TCEANC2: variants seen among roughly 807,000 people sequenced by gnomAD.
The protein encoded by TCEANC2 is transcription elongation factor A N-terminal and central domain-containing protein 2.
TCEANC2 carries 20 observed loss-of-function variants against 22.8 expected under a neutral mutation model. The observed-to-expected ratio is 0.88, with a 90% CI of 0.62 to 1.28. The LOEUF (loss-of-function observed/expected upper bound fraction) is 1.28. Among genes scored for constraint, TCEANC2 ranks in the 50% most tolerant of loss-of-function variants. TCEANC2 has a pLI of 0.00. For synonymous variants in TCEANC2, 84 were observed against 95.5 expected (o/e 0.88, Z 0.70); for missense variants, 251 against 249.7 (o/e 1.01, Z -0.03).
chr1:54,110,427 C>A (rs1003350932), downstream of TCEANC2, among the ~76,000 whole-genome samples: 2 of 151,618 alleles, frequency 1.3e-5, no homozygotes, highest in Admixed American at 1.3e-4. Flanking sequence ...AGTGAGATCT[C>A]TTTATCTCTT....
rs148006470 is a variant in TCEANC2 at position 54,080,950 on chromosome 1, A to T, written c.245-7647A>T. 7.2e-3 allele frequency among the ~76,000 whole-genome samples: 1,090 copies of T among 152,336 alleles called. 6 individuals are homozygous for T. The highest frequency in any genetic ancestry group is 0.011 in the Non-Finnish European group (763 of 68,026). ...CAACTTATGACCTTGGGGAAAGGTC[A>T]TGGAGCCTCATCTTTTTCATCTGAA... On this transcript the variant is annotated intron_variant, in intron 3 of 4. Transcript: ENST00000234827.
At chr1:54,073,837 A>C (rs556048769) in intron 3 of TCEANC2, among the ~76,000 whole-genome samples, 55 of 152,320 alleles carry the variant, frequency 3.6e-4, no homozygotes, top group African/African-American at 1.3e-3. Context: ...ATGGGGATGA[A>C]GAAATTGTAG....
intron 3 of TCEANC2, among the ~76,000 whole-genome samples, chr1:54,072,816 G>A (rs1658082895): frequency 6.6e-6 from 1 of 151,944 alleles, no homozygotes; most frequent in Non-Finnish European, 1.5e-5. Flanking sequence ...TTAATATCTA[G>A]TTCTTCTGTA....
Position 54,101,953 on chromosome 1 carries a change from A to G in TCEANC2, c.*5480A>G, listed in dbSNP as rs1658670771. On this transcript the variant is annotated 3_prime_UTR_variant, in exon 5 of 5. Coordinates refer to ENST00000234827, the MANE Select transcript of TCEANC2 (RefSeq NM_153035.3). ...CCTTGCCCAGACCATTTTTGAAAAC[A>G]CAAATGGGCAGGGTGCAGTGAGATT... 1 of 152,164 alleles carries G rather than the reference A, an allele frequency of 6.6e-6. No individual in the cohort carries two copies. The highest frequency in any genetic ancestry group is 2.4e-5 in the African/African-American group (1 of 41,436). 9.4% of individuals were successfully genotyped at this position (152,164 alleles called of 1,614,324 possible).
At chr1:54,062,945 C>A (rs1046421048) in intron 2 of TCEANC2, among the ~76,000 whole-genome samples, 28 of 152,148 alleles carry the variant, frequency 1.8e-4, no homozygotes, top group Non-Finnish European at 4.0e-4. Flanking sequence ...AACTCTTAAC[C>A]TGATTCCAGC....
downstream of TCEANC2, among the ~76,000 whole-genome samples, chr1:54,108,743 C>A (rs541354346): frequency 6.6e-6 from 1 of 152,072 alleles, no homozygotes; most frequent in East Asian, 1.9e-4. Flanking sequence ...GAGGCCGAGG[C>A]GGGCGGATCA....
intron 2 of TCEANC2, among the ~76,000 whole-genome samples, chr1:54,062,382 T>G (rs1357438378): frequency 6.6e-6 from 1 of 152,256 alleles, no homozygotes; most frequent in Non-Finnish European, 1.5e-5. Flanking sequence ...TTTCTTGATA[T>G]ATATGGAATT....
In TCEANC2 at chr1:54,097,117, T is replaced by C. The variant is rs1330613201; in HGVS notation, c.*644T>C. 2.9e-6 allele frequency: 1 copy of C among 339,034 alleles called. No individual in the cohort carries two copies. The highest frequency in any genetic ancestry group is 6.5e-5 in the Admixed American group (1 of 15,490). The allele number at this position is 339,034 out of a possible 1,614,324, so 21.0% of individuals were successfully genotyped here. On this transcript the variant is annotated 3_prime_UTR_variant, in exon 5 of 5. Transcript: ENST00000234827. ...GAAGCCTCCCACACCTCAGGGTTTA[T>C]TTGAATACGCTGGCGCTCTCAGTTT... is the stretch of plus-strand genomic sequence containing the variant.
intron 3 of TCEANC2, 114 bp downstream of exon 3, chr1:54,069,011 C>T (rs1557688172): frequency 1.7e-6 from 2 of 1,174,408 alleles, no homozygotes; most frequent in African/African-American, 3.2e-5. Flanking sequence ...GCTTTCAACT[C>T]TCTGGTAAAG....
intron 2 of TCEANC2, among the ~76,000 whole-genome samples, chr1:54,067,832 C>T (rs973718030): frequency 7.9e-5 from 12 of 152,168 alleles, no homozygotes; most frequent in African/African-American, 2.4e-4. Flanking sequence ...CACCAGCATC[C>T]AGATCAAAAA....
chr1:54,056,205 T>C (rs371806470), intron 2 of TCEANC2, among the ~76,000 whole-genome samples: 9 of 152,326 alleles, frequency 5.9e-5, no homozygotes, highest in East Asian at 5.8e-4. Flanking sequence ...TGATTCTCAA[T>C]GAGGGATCAT....
chr1:54,070,999 G>A lies in TCEANC2; in HGVS notation c.244+2102G>A, dbSNP rs553040278. 9.5e-4 allele frequency among the ~76,000 whole-genome samples: 144 copies of A among 152,298 alleles called. 1 individual carries two copies. Among genetic ancestry groups the A allele is most frequent in the African/African-American group, 3.1e-3 (130 of 41,542 alleles). On this transcript the variant is annotated intron_variant, in intron 3 of 4. Coordinates refer to ENST00000234827, the MANE Select transcript of TCEANC2 (RefSeq NM_153035.3). ...AAGGTATTGAAGAATGTGTCAGGCC[G>A]GGGCACATCACGTGAGCTGTATAGA...
chr1:54,067,827 G>T (rs908730140), intron 2 of TCEANC2, among the ~76,000 whole-genome samples: 1 of 152,138 alleles, frequency 6.6e-6, no homozygotes, highest in Non-Finnish European at 1.5e-5. Context: ...AAACACACCA[G>T]CATCCAGATC....
chr1:54,084,242 G>A lies in TCEANC2; in HGVS notation c.245-4355G>A, dbSNP rs191955258. Among the ~76,000 whole-genome samples the A allele has an allele frequency of 3.8e-3, 580 of 152,118 alleles. 3 individuals carry two copies. The highest frequency in any genetic ancestry group is 0.016 in the South Asian group (76 of 4,824). On this transcript the variant is annotated intron_variant, in intron 3 of 4. Transcript: ENST00000234827. Reference sequence around the variant, plus strand: ...TGGCCAGGCTGGTCTCAAACTCCTGGCCTCCAGGGTTCCACCCACCTCAGC... The same window carrying A: ...TGGCCAGGCTGGTCTCAAACTCCTGACCTCCAGGGTTCCACCCACCTCAGC...
rs142377755 is a variant in TCEANC2 at position 54,070,302 on chromosome 1, T to C, written c.244+1405T>C. ...AAGTATTTCCACCAGTAGAGGGTAC[T>C]AGTGATTACTAGTTTATGACATGTA... On this transcript the variant is annotated intron_variant, in intron 3 of 4. Transcript: ENST00000234827. Among the ~76,000 whole-genome samples the C allele has an allele frequency of 9.8e-5, 15 of 152,326 alleles. 1 individual carries two copies. In the East Asian group the frequency reaches 2.9e-3, roughly 29 times the overall value.
chr1:54,094,874 C>T (rs1658515690), intron 4 of TCEANC2, among the ~76,000 whole-genome samples: 1 of 152,206 alleles, frequency 6.6e-6, no homozygotes, highest in South Asian at 2.1e-4. Context: ...TGCAGTGGCT[C>T]ATGCCTGTAA....
chr1:54,059,092 G>T (rs541837713), intron 2 of TCEANC2, among the ~76,000 whole-genome samples: 1 of 151,160 alleles, frequency 6.6e-6, no homozygotes, highest in Admixed American at 6.6e-5. Flanking sequence ...ACCCACTCAA[G>T]AACTACTTTG....
At chr1:54,067,618 T>TGGAGA (rs1261817947) in intron 2 of TCEANC2, among the ~76,000 whole-genome samples, 1 of 152,122 alleles carries the variant, frequency 6.6e-6, no homozygotes, top group Non-Finnish European at 1.5e-5. Context: ...ACAAGTGGAT[T>TGGAGA]GGAGAGGAAG....
At chr1:54,112,335 A>G (rs1350408543) in exon 5 of TCEANC2, 1 of 152,198 alleles carries the variant, frequency 6.6e-6, no homozygotes, top group Admixed American at 6.5e-5. Context: ...ACTACACTCC[A>G]GCCTGGGCGA....
Sources: gnomAD v4.1 joint callset for allele counts (sites outside exome capture counted in the v4.1 genomes callset) on GRCh38, gnomAD v4.1.1 for gene constraint, MANE v1.5 for transcripts, NCBI Gene and HGNC (gene_info 2026-07-23, HGNC 2026-07-21) for gene names.